The following B3GAT2 variants were observed in gnomAD, a reference collection of about 807,000 sequenced individuals.
The protein encoded by B3GAT2 is galactosylgalactosylxylosylprotein 3-beta-glucuronosyltransferase 2.
B3GAT2 carries 26 observed loss-of-function variants against 27.8 expected under a neutral mutation model. That is an observed-to-expected ratio of 0.93 (90% CI 0.68 to 1.30). The LOEUF (loss-of-function observed/expected upper bound fraction) is 1.30. Among genes scored for constraint, B3GAT2 ranks in the 50% most tolerant of loss-of-function variants. The pLI is 0.00. For synonymous variants in B3GAT2, 218 were observed against 195.1 expected (o/e 1.12, Z -0.98); for missense variants, 458 against 459.0 (o/e 1.00, Z 0.02).
intron 1 of B3GAT2, among the ~76,000 whole-genome samples, chr6:70,916,265 TGCTGAAG>T (rs1772771670): frequency 6.6e-6 from 1 of 152,220 alleles, no homozygotes; most frequent in Admixed American, 6.5e-5. Context: ...CCTGATACTT[TGCTGAAG>T]TTGTTTATCA....
chr6:70,869,297 C>T (rs1166170794), intron 2 of B3GAT2, among the ~76,000 whole-genome samples: 3 of 152,102 alleles, frequency 2.0e-5, no homozygotes, highest in Non-Finnish European at 4.4e-5. Flanking sequence ...CTATAAGGTG[C>T]ATGTCGCTCC....
intron 1 of B3GAT2, among the ~76,000 whole-genome samples, chr6:70,945,173 C>T (rs974842039): frequency 6.6e-6 from 1 of 152,146 alleles, no homozygotes; most frequent in African/African-American, 2.4e-5. Flanking sequence ...CACCTCTCCT[C>T]CCCCAAAGGA....
intron 1 of B3GAT2, among the ~76,000 whole-genome samples, chr6:70,936,148 G>C (rs1322467327): frequency 2.0e-5 from 3 of 151,894 alleles, no homozygotes; most frequent in Non-Finnish European, 4.4e-5. Context: ...GATCAAAAGA[G>C]ACAAAGAAGG....
At chr6:70,864,824 A>C (rs1771823573) in intron 2 of B3GAT2, among the ~76,000 whole-genome samples, 1 of 152,216 alleles carries the variant, frequency 6.6e-6, no homozygotes, top group Non-Finnish European at 1.5e-5. Context: ...TTTATACTTC[A>C]AGTATTATAT....
intron 2 of B3GAT2, among the ~76,000 whole-genome samples, chr6:70,889,529 G>A (rs917032825): frequency 5.9e-5 from 9 of 152,134 alleles, no homozygotes; most frequent in African/African-American, 2.2e-4. Context: ...AGGAGGAGTT[G>A]GCTGCCGACA....
intron 2 of B3GAT2, among the ~76,000 whole-genome samples, chr6:70,876,617 T>C (rs547305314): frequency 6.6e-6 from 1 of 152,354 alleles, no homozygotes; most frequent in South Asian, 2.1e-4. Flanking sequence ...AAGCATTCTT[T>C]GTTAAGCATA....
intron 2 of B3GAT2, among the ~76,000 whole-genome samples, chr6:70,879,040 TCA>T (rs1448332773): frequency 6.6e-6 from 1 of 152,232 alleles, no homozygotes; most frequent in Admixed American, 6.5e-5. Context: ...GCTTTAAACT[TCA>T]CAGTCATGTT....
rs1771639157 is a variant in B3GAT2, at chr6:70,860,006, G to GTATC, written c.*1653_*1656dup. 2.0e-6 allele frequency: 1 copy of GTATC among 507,448 alleles called. No individual in the cohort carries two copies. Among genetic ancestry groups the GTATC allele is most frequent in the Admixed American group, 4.0e-5 (1 of 25,006 alleles). The allele number at this position is 507,448 out of a possible 1,614,324, so 31.4% of individuals were successfully genotyped here. A position where few individuals can be genotyped will look rare whatever the true frequency, so the allele number is the denominator to read the frequency against. ...GTTGTGGTTAATCTTTGGGGAAACTGTATCTAGAAAGTAGATAAAGAAGGG... is the reference window on the plus strand; with the variant it reads ...GTTGTGGTTAATCTTTGGGGAAACTGTATCTATCTAGAAAGTAGATAAAGAAGGG... On this transcript the variant is annotated 3_prime_UTR_variant, in exon 4 of 4. Coordinates refer to ENST00000230053, the MANE Select transcript of B3GAT2 (RefSeq NM_080742.3).
chr6:70,956,686 G>T lies in B3GAT2; in HGVS notation c.-257C>A. ...GCTGCCCCCGACTCCAGGTGAGCTG[G>T]CGGGAAGCGGGACTCGGTCCAGCCG... On this transcript the variant is annotated 5_prime_UTR_variant, in exon 1 of 4. Coordinates refer to ENST00000230053, the MANE Select transcript of B3GAT2 (RefSeq NM_080742.3). 1 of 1,347,142 alleles carries T rather than the reference G, an allele frequency of 7.4e-7. No homozygotes were observed. 83.4% of individuals were successfully genotyped at this position (1,347,142 alleles called of 1,614,324 possible).
At chr6:70,874,963 G>A (rs1771990303) in intron 2 of B3GAT2, among the ~76,000 whole-genome samples, 1 of 151,050 alleles carries the variant, frequency 6.6e-6, no homozygotes, top group Non-Finnish European at 1.5e-5. Flanking sequence ...AGGGCAAATT[G>A]ATATACTACA....
chr6:70,957,009 T>C lies in B3GAT2; in HGVS notation c.-580A>G, dbSNP rs576642826. On this transcript the variant is annotated 5_prime_UTR_variant, in exon 1 of 4. Coordinates refer to ENST00000230053, the MANE Select transcript of B3GAT2 (RefSeq NM_080742.3). ...GTGTTCGCGCGCCGCAGCGGAAGCC[T>C]GCTCTCAGTCCCTTGCTCTTGTCTT... The C allele has an allele frequency of 3.3e-5, 33 of 999,918 alleles. 1 individual carries two copies. The African/African-American group carries it at 5.6e-4, about 17-fold the overall frequency. 61.9% of individuals were successfully genotyped at this position (999,918 alleles called of 1,614,324 possible). A position where few individuals can be genotyped will look rare whatever the true frequency, so the allele number is the denominator to read the frequency against.
chr6:70,895,257 C>G (rs1722034012), intron 1 of B3GAT2, among the ~76,000 whole-genome samples: 1 of 152,070 alleles, frequency 6.6e-6, no homozygotes, highest in Non-Finnish European at 1.5e-5. Flanking sequence ...AACAGCAGTG[C>G]TTTATCTTTT....
At chr6:70,955,803 G>C in intron 1 of B3GAT2, 36 bp downstream of exon 1, 1 of 1,528,062 alleles carries the variant, frequency 6.5e-7, no homozygotes, top group Non-Finnish European at 8.8e-7. Context: ...GCCCACTCCC[G>C]CCCTCGCCCA....
At chr6:70,917,545 T>G (rs1772794254) in intron 1 of B3GAT2, among the ~76,000 whole-genome samples, 1 of 152,212 alleles carries the variant, frequency 6.6e-6, no homozygotes, top group African/African-American at 2.4e-5. Context: ...GTGCTGTAAA[T>G]TTCTCTCTAC....
intron 1 of B3GAT2, among the ~76,000 whole-genome samples, chr6:70,918,125 C>G (rs1270372866): frequency 3.9e-5 from 6 of 152,144 alleles, no homozygotes; most frequent in African/African-American, 7.2e-5. Flanking sequence ...GTTAGCTCTT[C>G]TTGTTGAATT....
intron 2 of B3GAT2, among the ~76,000 whole-genome samples, chr6:70,865,798 A>G (rs1250660384): frequency 6.6e-6 from 1 of 152,168 alleles, no homozygotes. Flanking sequence ...AGGCAGACAA[A>G]ATGATTGAAA....
intron 1 of B3GAT2, among the ~76,000 whole-genome samples, chr6:70,909,334 T>C (rs1395126265): frequency 2.0e-5 from 3 of 152,132 alleles, no homozygotes; most frequent in African/African-American, 4.8e-5. Context: ...TTTAATAACA[T>C]AGATGGGATA....
chr6:70,871,900 C>A lies in B3GAT2; in HGVS notation c.737-9922G>T, dbSNP rs533923097. Among the ~76,000 whole-genome samples, 8 of 151,916 alleles carry A rather than the reference C, an allele frequency of 5.3e-5. No homozygotes were observed. The East Asian group carries it at 1.5e-3, about 29-fold the overall frequency. On this transcript the variant is annotated intron_variant, in intron 2 of 3. Coordinates refer to ENST00000230053, the MANE Select transcript of B3GAT2 (RefSeq NM_080742.3). Reference sequence around the variant, plus strand: ...CCATAGGTTTTCATATGTTGTTTTTCCATTTTCATTCTCTTCAAAATATTT... The same window carrying A: ...CCATAGGTTTTCATATGTTGTTTTTACATTTTCATTCTCTTCAAAATATTT...
chr6:70,867,813 C>T (rs1007487821), intron 2 of B3GAT2, among the ~76,000 whole-genome samples: 7 of 152,020 alleles, frequency 4.6e-5, no homozygotes, highest in African/African-American at 1.7e-4. Flanking sequence ...TCAAGTTATC[C>T]TGTAAGACCA....
Sources: allele counts gnomAD v4.1 joint callset (sites outside exome capture counted in the v4.1 genomes callset), GRCh38; gene constraint gnomAD v4.1.1; transcripts MANE v1.5; gene names NCBI Gene and HGNC (gene_info 2026-07-23, HGNC 2026-07-21).